CCDC14: variants seen among roughly 807,000 people sequenced by gnomAD.
The protein encoded by CCDC14 is coiled-coil domain containing 14.
CCDC14 carries 71 observed loss-of-function variants against 81.4 expected under a neutral mutation model. The observed-to-expected ratio is 0.87, with a 90% confidence interval of 0.72 to 1.06. The LOEUF (loss-of-function observed/expected upper bound fraction) is 1.06, where lower values mean the gene tolerates loss of function less well. Among genes scored for constraint, CCDC14 ranks in the 50% least tolerant of loss-of-function variants. The pLI is 0.00. For missense variants in CCDC14, 1,046 were observed against 1,047.3 expected (o/e 1.00, Z 0.02); for synonymous variants, 332 against 364.8 (o/e 0.91, Z 1.03).
chr3:123,949,770 C>A (rs2036900806), intron 5 of CCDC14, among the ~76,000 whole-genome samples: 2 of 152,196 alleles, frequency 1.3e-5, no homozygotes, highest in Non-Finnish European at 2.9e-5. Flanking sequence ...TACCCACTCA[C>A]CAAGGCTCAT....
chr3:123,946,172 C>G (rs1381254156), intron 8 of CCDC14, among the ~76,000 whole-genome samples: 1 of 149,322 alleles, frequency 6.7e-6, no homozygotes, highest in Non-Finnish European at 1.5e-5. Flanking sequence ...GGTATTCAAT[C>G]AATGCTTCCA....
the CCDC14 span, among the ~76,000 whole-genome samples, chr3:123,890,555 G>T: frequency 6.6e-6 from 1 of 152,302 alleles, no homozygotes; most frequent in South Asian, 2.1e-4. Context: ...CCGAAATCCA[G>T]CAGGGCAGTC....
chr3:123,957,264 A>G (rs1202684194), intron 1 of CCDC14: 1 of 152,204 alleles, frequency 6.6e-6, no homozygotes, highest in Non-Finnish European at 1.5e-5. Context: ...AACTACACAT[A>G]TATTTGTTCC....
rs552370681 is a variant in CCDC14 at position 123,914,020 on chromosome 3, C to T, written c.*759G>A. On this transcript the variant is annotated 3_prime_UTR_variant, in exon 13 of 13. Transcript: ENST00000409697. ...AATCAATGCCAAGATTTACAAATTC[C>T]ATCATGTTTAAATATAAGGACAAAA... 1 of 985,254 alleles carries T rather than the reference C, an allele frequency of 1.0e-6. No homozygotes were observed. The highest frequency in any genetic ancestry group is 1.7e-5 in the African/African-American group (1 of 57,264). 61.0% of individuals were successfully genotyped at this position (985,254 alleles called of 1,614,324 possible). A position where few individuals can be genotyped will look rare whatever the true frequency, so the allele number is the denominator to read the frequency against.
intron 5 of CCDC14, among the ~76,000 whole-genome samples, chr3:123,907,647 G>C (rs899001205): frequency 1.3e-5 from 2 of 151,858 alleles, no homozygotes; most frequent in African/African-American, 4.8e-5. Context: ...TGAGGTTACA[G>C]TGAGCTTTGA....
chr3:123,936,599 A>G (rs1221497711), intron 9 of CCDC14, among the ~76,000 whole-genome samples: 1 of 152,254 alleles, frequency 6.6e-6, no homozygotes, highest in East Asian at 1.9e-4. Context: ...AAAAGCAAAT[A>G]CCACATTCTC....
chr3:123,954,306 T>C (rs2037206033), intron 5 of CCDC14: 1 of 152,154 alleles, frequency 6.6e-6, no homozygotes, highest in South Asian at 2.1e-4. Context: ...ATGATCTCTG[T>C]CAAAACTACT....
chr3:123,885,952 C>T, the CCDC14 span, among the ~76,000 whole-genome samples: 2 of 151,976 alleles, frequency 1.3e-5, no homozygotes, highest in Non-Finnish European at 2.9e-5. Flanking sequence ...AAAAAAATTA[C>T]CCAGTTTTCA....
intron 12 of CCDC14, among the ~76,000 whole-genome samples, chr3:123,916,942 T>C (rs1577225191): frequency 1.3e-5 from 2 of 151,802 alleles, no homozygotes. Context: ...TCTGGGTTCA[T>C]GCCATTCTCC....
At chr3:123,918,793 C>A (rs1031113409) in intron 12 of CCDC14, among the ~76,000 whole-genome samples, 1 of 152,170 alleles carries the variant, frequency 6.6e-6, no homozygotes, top group Non-Finnish European at 1.5e-5. Context: ...CAGCTCATAG[C>A]GGCTACAGCA....
the CCDC14 span, among the ~76,000 whole-genome samples, chr3:123,891,782 T>C: frequency 6.6e-6 from 1 of 152,224 alleles, no homozygotes; most frequent in African/African-American, 2.4e-5. Context: ...CAAAGTTGCT[T>C]CCACATTTTC....
At chr3:123,952,896 C>T in intron 5 of CCDC14, 1 of 190,032 alleles carries the variant, frequency 5.3e-6, no homozygotes, top group Non-Finnish European at 1.1e-5. Flanking sequence ...AGCTGCCAAC[C>T]ACACACACAC....
intron 5 of CCDC14, among the ~76,000 whole-genome samples, chr3:123,899,783 C>G (rs2034143164): frequency 6.6e-6 from 1 of 152,232 alleles, no homozygotes. Flanking sequence ...ACGTCTGTAG[C>G]TGACCAAACT....
rs777809722 is a variant in CCDC14, at chr3:123,946,897, A to C, written c.1107T>G (p.Asp369Glu). Residue 369 changes from aspartate (D) to glutamate (E), a missense_variant, in exon 8 of 13, where the codon GAT (aspartate) becomes GAG (glutamate). Coordinates refer to ENST00000409697, the MANE Select transcript of CCDC14 (RefSeq NM_001366335.1). ...IHVRDTKTVK[D>E]VQKAKNVNKT... is the part of the protein sequence containing the mutation. ...TGTTCACATTTTTTGCCTTCTGTAC[A>C]TCCTTCACTGTTTTTGTATCTCGCA... 1.7e-5 allele frequency: 27 copies of C among 1,613,796 alleles called. No homozygotes were observed. The South Asian group carries it at 2.7e-4, about 16-fold the overall frequency.
chr3:123,955,648 T>C, intron 5 of CCDC14, 195 bp downstream of exon 5: 1 of 410,042 alleles, frequency 2.4e-6, no homozygotes, highest in Admixed American at 4.3e-5. Flanking sequence ...TTTTTCTATT[T>C]TTCTTCTTGA....
downstream of CCDC14, among the ~76,000 whole-genome samples, chr3:123,895,283 T>C (rs1167305664): frequency 2.0e-5 from 3 of 152,142 alleles, no homozygotes; most frequent in Non-Finnish European, 4.4e-5. Flanking sequence ...TTGGCCCCCT[T>C]CACTGCTTGG....
chr3:123,952,849 T>C (rs996173253), intron 5 of CCDC14: 15 of 216,858 alleles, frequency 6.9e-5, no homozygotes. Context: ...TTTTGAGCAT[T>C]GTGGTAACAA....
At chr3:123,920,479 C>T (rs1389699534) in intron 12 of CCDC14, among the ~76,000 whole-genome samples, 3 of 152,232 alleles carry the variant, frequency 2.0e-5, no homozygotes, top group African/African-American at 7.2e-5. Flanking sequence ...TCAAAGATAA[C>T]TGTTAAAATT....
chr3:123,889,246 C>T, the CCDC14 span, among the ~76,000 whole-genome samples: 1 of 152,078 alleles, frequency 6.6e-6, no homozygotes, highest in Admixed American at 6.6e-5. Context: ...CCTGTCTCTA[C>T]TAAAAATATT....
Sources: allele counts gnomAD v4.1 joint callset (sites outside exome capture counted in the v4.1 genomes callset), GRCh38; gene constraint gnomAD v4.1.1; transcripts MANE v1.5; gene names NCBI Gene and HGNC (gene_info 2026-07-23, HGNC 2026-07-21).